MED13L: variants seen among roughly 807,000 people sequenced by gnomAD.
The protein encoded by MED13L is mediator complex subunit 13L.
In MED13L, 7 loss-of-function variants were observed where a neutral mutation model predicts 220.9. The observed-to-expected ratio is 0.03, with a 90% CI of 0.02 to 0.06. The LOEUF is 0.06. MED13L is among the 10% of genes least tolerant of loss of function. The pLI is 1.00. For missense variants in MED13L, 1,965 were observed against 2,760.5 expected (o/e 0.71, Z 6.46); for synonymous variants, 1,011 against 1,015.2 (o/e 1.00, Z 0.08).
Position 116,019,938 on chromosome 12 carries a change from T to C in MED13L, c.660A>G (p.Leu220=), listed in dbSNP as rs757133265. ...CTGACATCTTGTATGCTTGGCCTGTTAGCGTCCCATTTAAGCCATAAGGAC... is the reference window on the plus strand; with the variant it reads ...CTGACATCTTGTATGCTTGGCCTGTCAGCGTCCCATTTAAGCCATAAGGAC... ...LVSPYGLNGT[L]TGQAYKMSDP... is the part of the protein sequence containing the mutation. The change falls in exon 6 of 31, where the codon CTA becomes CTG. Residue 220 remains leucine, a synonymous_variant. Transcript: ENST00000281928. The C allele has an allele frequency of 3.7e-6, 6 of 1,613,646 alleles. No homozygotes were observed. Among genetic ancestry groups the C allele is most frequent in the Middle Eastern group, 1.6e-4 (1 of 6,078 alleles).
At chr12:116,110,812 G>A (rs1425361409) in intron 3 of MED13L, among the ~76,000 whole-genome samples, 1 of 151,816 alleles carries the variant, frequency 6.6e-6, no homozygotes, top group Non-Finnish European at 1.5e-5. Context: ...AGCATAACCT[G>A]AATTTAAGCA....
chr12:115,979,456 C>T (rs1446221838), intron 23 of MED13L, among the ~76,000 whole-genome samples: 1 of 152,142 alleles, frequency 6.6e-6, no homozygotes, highest in Non-Finnish European at 1.5e-5. Flanking sequence ...AATTCAAACT[C>T]AAAGAATAAA....
chr12:116,082,277 A>C (rs1214456543), intron 4 of MED13L, among the ~76,000 whole-genome samples: 1 of 152,178 alleles, frequency 6.6e-6, no homozygotes. Context: ...AAGGGGAAAA[A>C]CTTTCACTTT....
chr12:116,143,899 T>A (rs1293439384), intron 2 of MED13L, among the ~76,000 whole-genome samples: 1 of 152,236 alleles, frequency 6.6e-6, no homozygotes, highest in African/African-American at 2.4e-5. Context: ...CAGCAACTTG[T>A]ACCTTAAAGG....
intron 2 of MED13L, among the ~76,000 whole-genome samples, chr12:116,189,186 A>C (rs868814627): frequency 6.6e-6 from 1 of 152,028 alleles, no homozygotes; most frequent in Non-Finnish European, 1.5e-5. Flanking sequence ...GTTGTCACTA[A>C]TTTTTCATTT....
intron 2 of MED13L, among the ~76,000 whole-genome samples, chr12:116,157,821 C>G (rs1257013982): frequency 6.6e-6 from 1 of 152,142 alleles, no homozygotes; most frequent in Non-Finnish European, 1.5e-5. Context: ...GTGAAAATCC[C>G]AGTGTGTTTT....
intron 2 of MED13L, among the ~76,000 whole-genome samples, chr12:116,119,427 G>A (rs116909459): frequency 0.012 from 1,775 of 152,172 alleles, 16 homozygotes; most frequent in Non-Finnish European, 0.016. Context: ...AGCGCCGATT[G>A]TAAAAGTGCC....
intron 1 of MED13L, among the ~76,000 whole-genome samples, chr12:116,238,029 T>G (rs1024463912): frequency 1.3e-5 from 2 of 152,232 alleles, no homozygotes; most frequent in Non-Finnish European, 2.9e-5. Flanking sequence ...TATGTTATCA[T>G]TCAATATTCA....
intron 4 of MED13L, among the ~76,000 whole-genome samples, chr12:116,031,654 G>A (rs1270335994): frequency 4.8e-5 from 6 of 126,086 alleles, no homozygotes; most frequent in Non-Finnish European, 8.4e-5. Flanking sequence ...GGGACGGGAC[G>A]GGACGGGACG....
At chr12:115,980,378 T>C (rs1465261783) in intron 23 of MED13L, 2 of 235,962 alleles carry the variant, frequency 8.5e-6, no homozygotes, top group Non-Finnish European at 1.7e-5. Context: ...CAGGCGGAAG[T>C]GGTTATGTGA....
Position 116,111,418 on chromosome 12 carries a change from C to T in MED13L, c.395+10G>A. ...GTCTGCAAACCACTGTCTGCTGTTC[C>T]TTCTCTTACCTTTCTAACAGATTGT... On this transcript the variant is annotated intron_variant, in intron 3 of 30. Transcript: ENST00000281928. 6.2e-7 allele frequency: 1 copy of T among 1,609,782 alleles called. No homozygotes were observed. The highest frequency in any genetic ancestry group is 8.5e-7 in the Non-Finnish European group (1 of 1,177,102).
chr12:116,122,088 C>T (rs992919524), intron 2 of MED13L, among the ~76,000 whole-genome samples: 4 of 151,948 alleles, frequency 2.6e-5, no homozygotes, highest in African/African-American at 4.8e-5. Context: ...ATATAAAACG[C>T]ATCGTAGTGT....
At chr12:115,964,087 C>CA (rs1257480448) in intron 29 of MED13L, among the ~76,000 whole-genome samples, 5 of 150,988 alleles carry the variant, frequency 3.3e-5, no homozygotes, top group Non-Finnish European at 7.4e-5. Flanking sequence ...ACTCTGTCTC[C>CA]AAAAAAAAGA....
intron 4 of MED13L, among the ~76,000 whole-genome samples, chr12:116,071,583 T>C (rs1436125353): frequency 6.6e-6 from 1 of 152,170 alleles, no homozygotes; most frequent in Non-Finnish European, 1.5e-5. Context: ...TGTGCCACCA[T>C]TCTGCAGATA....
chr12:116,020,078 C>A (rs1566014383), intron 5 of MED13L, 106 bp from the exon 6 acceptor site: 1 of 1,001,974 alleles, frequency 1.0e-6, no homozygotes, highest in Non-Finnish European at 1.5e-6. Flanking sequence ...ACTTAATGTG[C>A]ATTGTTCTTT....
intron 2 of MED13L, among the ~76,000 whole-genome samples, chr12:116,136,286 T>G (rs1404932248): frequency 6.6e-6 from 1 of 152,204 alleles, no homozygotes; most frequent in Non-Finnish European, 1.5e-5. Context: ...ATATCTACCA[T>G]GCAAATAAGT....
intron 4 of MED13L, among the ~76,000 whole-genome samples, chr12:116,053,612 T>A (rs1230155990): frequency 6.6e-6 from 1 of 152,160 alleles, no homozygotes; most frequent in African/African-American, 2.4e-5. Flanking sequence ...ATTAAATTAT[T>A]ACCCCTACTT....
intron 27 of MED13L, among the ~76,000 whole-genome samples, chr12:115,970,253 T>C (rs982805264): frequency 1.3e-5 from 2 of 152,250 alleles, no homozygotes; most frequent in African/African-American, 2.4e-5. Context: ...TCTCTTCATA[T>C]TGCTTAGTAC....
intron 4 of MED13L, among the ~76,000 whole-genome samples, chr12:116,035,414 T>C (rs553064472): frequency 6.6e-6 from 1 of 152,298 alleles, no homozygotes; most frequent in South Asian, 2.1e-4. Context: ...ATCTTTACAA[T>C]TTCTATAAAG....
Sources: gnomAD v4.1 joint callset for allele counts (sites outside exome capture counted in the v4.1 genomes callset) on GRCh38, gnomAD v4.1.1 for gene constraint, MANE v1.5 for transcripts, NCBI Gene and HGNC (gene_info 2026-07-23, HGNC 2026-07-21) for gene names.